Variants in TMEM245 observed in about 807,000 individuals in gnomAD.
TMEM245 encodes the protein protein CG-2.
TMEM245 carries 69 observed loss-of-function variants against 101.2 expected under a neutral mutation model. The ratio of observed to expected loss-of-function variants is 0.68; its 90% CI spans 0.56 to 0.83. The LOEUF is 0.83. Among genes scored for constraint, TMEM245 ranks in the 40% least tolerant of loss-of-function variants. The pLI, the probability that TMEM245 is intolerant of heterozygous loss-of-function variation, is 0.00. For missense variants in TMEM245, 1,075 were observed against 1,092.8 expected, an observed-to-expected ratio of 0.98 and a Z score of 0.23; for synonymous variants, 537 against 449.8, an observed-to-expected ratio of 1.19 and a Z score of -2.45.
intron 14 of TMEM245, among the ~76,000 whole-genome samples, chr9:109,039,580 T>G (rs1214232049): frequency 6.6e-6 from 1 of 151,924 alleles, no homozygotes. Flanking sequence ...GAGACAAGGC[T>G]TAATAGAAAA....
rs145876264 is a variant in TMEM245, at chr9:109,106,944, C to G, written c.698-335G>C. Among the ~76,000 whole-genome samples, 731 of 152,144 alleles carry G rather than the reference C, an allele frequency of 4.8e-3. 6 individuals are homozygous for G. The highest frequency in any genetic ancestry group is 0.017 in the African/African-American group (702 of 41,494). ...ACCATCTACTTCACCCCAGAATGAC[C>G]AGAATTAGGCATAGATCTCAAAGCC... On this transcript the variant is annotated intron_variant, in intron 2 of 17. Transcript: ENST00000374586.
At chr9:109,051,599 A>G (rs989015288) in intron 12 of TMEM245, among the ~76,000 whole-genome samples, 1 of 152,194 alleles carries the variant, frequency 6.6e-6, no homozygotes, top group Non-Finnish European at 1.5e-5. Context: ...AGGTATCTGT[A>G]TATCTAAACA....
chr9:109,030,808 C>CA (rs1473884302), intron 17 of TMEM245, among the ~76,000 whole-genome samples: 1 of 152,216 alleles, frequency 6.6e-6, no homozygotes, highest in Non-Finnish European at 1.5e-5. Flanking sequence ...GCCCCCTAAC[C>CA]AGCTCTAACT....
At chr9:109,048,446 A>T (rs1009857453) in intron 14 of TMEM245, among the ~76,000 whole-genome samples, 1 of 152,134 alleles carries the variant, frequency 6.6e-6, no homozygotes, top group African/African-American at 2.4e-5. Context: ...AAAAAAAAAA[A>T]TCAAGATTTC....
intron 1 of TMEM245, among the ~76,000 whole-genome samples, chr9:109,111,465 T>C (rs1830565190): frequency 6.6e-6 from 1 of 152,130 alleles, no homozygotes; most frequent in African/African-American, 2.4e-5. Flanking sequence ...GACTGCATAC[T>C]TCAGATTTTT....
At chr9:109,087,151 C>T (rs1196680435) in intron 6 of TMEM245, 22 bp downstream of exon 6, 1 of 1,588,120 alleles carries the variant, frequency 6.3e-7, no homozygotes, top group South Asian at 1.2e-5. Context: ...TTAAGACAGC[C>T]CAAGTCCTTA....
chr9:109,065,489 T>C (rs565214053), intron 9 of TMEM245, among the ~76,000 whole-genome samples: 6 of 152,212 alleles, frequency 3.9e-5, no homozygotes, highest in African/African-American at 1.4e-4. Context: ...TATCCTCAAG[T>C]TGGTTATCTA....
intron 17 of TMEM245, among the ~76,000 whole-genome samples, chr9:109,022,670 C>A (rs1827667335): frequency 6.6e-6 from 1 of 152,152 alleles, no homozygotes. Context: ...AACTAAAGCT[C>A]TAGATAGCTA....
At chr9:109,109,167 A>G (rs1004474533) in intron 1 of TMEM245, among the ~76,000 whole-genome samples, 1 of 152,178 alleles carries the variant, frequency 6.6e-6, no homozygotes, top group African/African-American at 2.4e-5. Flanking sequence ...TGTGCCTGAA[A>G]AAAATATTAT....
rs774984165 is a variant in TMEM245, at chr9:109,119,872, C to G, written c.42G>C (p.Arg14=). 2 of 1,315,294 alleles carry G rather than the reference C, an allele frequency of 1.5e-6. No individual in the cohort carries two copies. The highest frequency in any genetic ancestry group is 8.3e-5 in the Admixed American group (2 of 24,084). 81.5% of individuals were successfully genotyped at this position (1,315,294 alleles called of 1,614,324 possible). Residue 14 remains arginine, a synonymous_variant, in exon 1 of 18, where the codon CGG becomes CGC. Transcript: ENST00000374586. ...GGGPKDAPSL[R]SSPGPAPRVP... ...CCCGCGGCGCCGGCCCGGGAGAGCT[C>G]CGCAGGCTTGGCGCGTCCTTAGGGC...
chr9:109,114,984 G>A (rs1329663833), intron 1 of TMEM245, among the ~76,000 whole-genome samples: 1 of 152,152 alleles, frequency 6.6e-6, no homozygotes, highest in South Asian at 2.1e-4. Context: ...GGAGTTTTAG[G>A]AGACTGAAGA....
intron 1 of TMEM245, among the ~76,000 whole-genome samples, chr9:109,114,762 C>T (rs556456157): frequency 2.6e-5 from 4 of 152,304 alleles, no homozygotes; most frequent in South Asian, 2.1e-4. Context: ...GAGCAGGGCA[C>T]GCCATCAGCT....
At chr9:109,116,867 T>C (rs182720975) in intron 1 of TMEM245, among the ~76,000 whole-genome samples, 5 of 152,164 alleles carry the variant, frequency 3.3e-5, no homozygotes, top group Non-Finnish European at 7.4e-5. Flanking sequence ...ACTCCTTGTC[T>C]TCTCAAGTAC....
intron 17 of TMEM245, among the ~76,000 whole-genome samples, chr9:109,032,809 T>A (rs943612172): frequency 2.1e-4 from 16 of 75,958 alleles, no homozygotes; most frequent in Non-Finnish European, 5.2e-4. Context: ...ATATAGGTCT[T>A]TTTTTTTTTT....
intron 14 of TMEM245, among the ~76,000 whole-genome samples, chr9:109,042,065 C>A (rs1828326792): frequency 6.6e-6 from 1 of 152,066 alleles, no homozygotes. Flanking sequence ...CTAGCAATCT[C>A]TGAATTTTAG....
intron 3 of TMEM245, 65 bp from the exon 4 acceptor site, chr9:109,093,656 A>G: frequency 1.6e-6 from 2 of 1,271,976 alleles, no homozygotes; most frequent in Non-Finnish European, 2.3e-6. Context: ...AAATTTAAAC[A>G]CAGTCCAACA....
At chr9:109,103,590 T>G (rs539481373) in intron 3 of TMEM245, among the ~76,000 whole-genome samples, 10 of 152,004 alleles carry the variant, frequency 6.6e-5, no homozygotes, top group Non-Finnish European at 1.3e-4. Flanking sequence ...ATAACATGGA[T>G]GGAACTGCAG....
intron 14 of TMEM245, among the ~76,000 whole-genome samples, chr9:109,046,449 A>G (rs1030447898): frequency 1.3e-5 from 2 of 152,204 alleles, no homozygotes; most frequent in African/African-American, 4.8e-5. Context: ...CCAATTGCAA[A>G]TGTATTCAAC....
chr9:109,088,815 CAAAAAAA>C (rs772216738), intron 5 of TMEM245, among the ~76,000 whole-genome samples: 1 of 67,464 alleles, frequency 1.5e-5, no homozygotes, highest in South Asian at 5.1e-4. Context: ...GACTACATCT[CAAAAAAA>C]AAAAAAAAAA....
Sources: gnomAD v4.1 joint callset for allele counts (sites outside exome capture counted in the v4.1 genomes callset) on GRCh38, gnomAD v4.1.1 for gene constraint, MANE v1.5 for transcripts, NCBI Gene and HGNC (gene_info 2026-07-23, HGNC 2026-07-21) for gene names.